Variants in RXYLT1 observed in about 807,000 individuals in gnomAD.
The protein encoded by RXYLT1 is ribitol-5-phosphate xylosyltransferase 1.
In RXYLT1, 41 loss-of-function variants were observed where a neutral mutation model predicts 43.5. The ratio of observed to expected loss-of-function variants is 0.94; its 90% confidence interval spans 0.73 to 1.22. The LOEUF is 1.22. RXYLT1 is among the 50% of genes most tolerant of loss of function. RXYLT1 has a pLI of 0.00. For synonymous variants in RXYLT1, 166 were observed against 194.4 expected (o/e 0.85, Z 1.21); for missense variants, 514 against 532.0 (o/e 0.97, Z 0.33).
chr12:63,779,971 C>G lies in RXYLT1; in HGVS notation c.11C>G (p.Thr4Arg). 1 of 1,610,564 alleles carries G rather than the reference C, an allele frequency of 6.2e-7. No homozygotes were observed. Among genetic ancestry groups the G allele is most frequent in the Non-Finnish European group, 8.5e-7 (1 of 1,178,674 alleles). ...GGAAGCCCGAGTGGGATGCGGCTGA[C>G]GCGGAAGCGGCTCTGCTCGTTTCTT... The part of the protein sequence containing the change: MRL[T>R]RKRLCSFLIA... The change falls in exon 1 of 6, where the codon ACG becomes AGG. Residue 4 changes from threonine (T) to arginine (R), a missense_variant. By Grantham distance (71) the Thr-to-Arg change is moderately conservative. Coordinates refer to ENST00000261234, the MANE Select transcript of RXYLT1 (RefSeq NM_014254.3).
chr12:63,809,276 A>T lies in RXYLT1; in HGVS notation c.*184A>T. 1 of 488,760 alleles carries T rather than the reference A, an allele frequency of 2.0e-6. No homozygotes were observed. 30.3% of individuals were successfully genotyped at this position (488,760 alleles called of 1,614,324 possible). A position where few individuals can be genotyped will look rare whatever the true frequency, so the allele number is the denominator to read the frequency against. On this transcript the variant is annotated 3_prime_UTR_variant, in exon 6 of 6. Coordinates refer to ENST00000261234, the MANE Select transcript of RXYLT1 (RefSeq NM_014254.3). Reference sequence around the variant, plus strand: ...ACATATATGATAGTGGTCCCATAAGATTATAATGGAGCTGAAAAATTTCTA... The same window carrying T: ...ACATATATGATAGTGGTCCCATAAGTTTATAATGGAGCTGAAAAATTTCTA...
At chr12:63,780,346 G>A in intron 1 of RXYLT1, 1 of 1,289,370 alleles carries the variant, frequency 7.8e-7, no homozygotes, top group Non-Finnish European at 9.8e-7. Flanking sequence ...CCCCGCTCCC[G>A]ATCCCAGGGG....
chr12:63,809,143 T>C lies in RXYLT1; in HGVS notation c.*51T>C. ...TTTTAAAATCATTTTGACTACTGGG[T>C]GTATAAATGTGTTTGTGTGTGTATG... is the stretch of plus-strand genomic sequence containing the variant. On this transcript the variant is annotated 3_prime_UTR_variant, in exon 6 of 6. Transcript: ENST00000261234. 1 of 1,255,380 alleles carries C rather than the reference T, an allele frequency of 8.0e-7. No homozygotes were observed. Among genetic ancestry groups the C allele is most frequent in the Non-Finnish European group, 1.1e-6 (1 of 915,772 alleles). 77.8% of individuals were successfully genotyped at this position (1,255,380 alleles called of 1,614,324 possible). A position where few individuals can be genotyped will look rare whatever the true frequency, so the allele number is the denominator to read the frequency against.
At chr12:63,791,253 T>C (rs1212413823) in intron 3 of RXYLT1, among the ~76,000 whole-genome samples, 1 of 152,228 alleles carries the variant, frequency 6.6e-6, no homozygotes, top group Non-Finnish European at 1.5e-5. Flanking sequence ...TTGATTCTGC[T>C]CATCGTGACT....
chr12:63,785,119 C>G (rs1244199723), intron 3 of RXYLT1, 47 bp downstream of exon 3: 1 of 1,377,022 alleles, frequency 7.3e-7, no homozygotes, highest in African/African-American at 1.4e-5. Context: ...ATGTTTTGCT[C>G]TGCAATATTT....
rs796725184 is a variant in RXYLT1 at position 63,801,823 on chromosome 12, C to CA, written c.429-258dup. Among the ~76,000 whole-genome samples, 615 of 142,950 alleles carry CA rather than the reference C, an allele frequency of 4.3e-3. 6 individuals carry two copies. The highest frequency in any genetic ancestry group is 0.013 in the African/African-American group (500 of 39,054). The allele number at this position is 142,950 out of a possible 152,430, so 93.8% of individuals were successfully genotyped here. ...GGCCACAAGAGTTGAGACCCTGCCTCAAAAAAAAAACAAAAAAACACAAAA... is the reference window on the plus strand; with the variant it reads ...GGCCACAAGAGTTGAGACCCTGCCTCAAAAAAAAAAACAAAAAAACACAAAA... On this transcript the variant is annotated intron_variant, in intron 3 of 5. Transcript: ENST00000261234.
chr12:63,793,774 G>A (rs1897969248), intron 3 of RXYLT1, among the ~76,000 whole-genome samples: 1 of 152,162 alleles, frequency 6.6e-6, no homozygotes, highest in Non-Finnish European at 1.5e-5. Context: ...ACATAGGATA[G>A]TATTATATTA....
intron 2 of RXYLT1, among the ~76,000 whole-genome samples, chr12:63,782,303 C>T (rs1413328700): frequency 6.6e-6 from 1 of 152,190 alleles, no homozygotes; most frequent in African/African-American, 2.4e-5. Context: ...ATTTTGAAAT[C>T]TAAATTTCAT....
chr12:63,793,341 A>G (rs1282294193), intron 3 of RXYLT1, among the ~76,000 whole-genome samples: 2 of 152,068 alleles, frequency 1.3e-5, no homozygotes, highest in Non-Finnish European at 2.9e-5. Flanking sequence ...TTTCAGGGTT[A>G]TGTTTACTAC....
At chr12:63,786,214 T>A (rs1897796739) in intron 3 of RXYLT1, among the ~76,000 whole-genome samples, 2 of 152,174 alleles carry the variant, frequency 1.3e-5, no homozygotes, top group African/African-American at 4.8e-5. Flanking sequence ...TATTAAAAAT[T>A]CATAAAGTTA....
chr12:63,808,651 A>G, intron 5 of RXYLT1, 24 bp from the exon 6 acceptor site: 1 of 1,588,078 alleles, frequency 6.3e-7, no homozygotes, highest in Non-Finnish European at 8.5e-7. Flanking sequence ...AGTGAAAACT[A>G]CAGTTGTTTT....
At position 63,805,369 on chromosome 12, in the gene RXYLT1, G is replaced by C. The variant is rs1356550854; in HGVS notation, c.879G>C (p.Gly293=). The C allele has an allele frequency of 2.5e-6, 4 of 1,608,926 alleles. No homozygotes were observed. Among genetic ancestry groups the C allele is most frequent in the Non-Finnish European group, 3.4e-6 (4 of 1,178,438 alleles). The change falls in exon 5 of 6, where the codon GGG becomes GGC. Residue 293 remains glycine (G), a synonymous_variant. Coordinates refer to ENST00000261234, the MANE Select transcript of RXYLT1 (RefSeq NM_014254.3). Reference sequence around the variant, plus strand: ...TAATGAACATTTTGAAAAAAGATGGGAACGATAAGCTTTGTTGGGTTTCAG... The same window carrying C: ...TAATGAACATTTTGAAAAAAGATGGCAACGATAAGCTTTGTTGGGTTTCAG... ...QALMNILKKD[G]NDKLCWVSAR... is the part of the protein sequence containing the mutation.
intron 3 of RXYLT1, among the ~76,000 whole-genome samples, chr12:63,800,784 T>G (rs1031119680): frequency 1.3e-5 from 2 of 151,970 alleles, no homozygotes; most frequent in Non-Finnish European, 2.9e-5. Flanking sequence ...TAGTTGGGCA[T>G]GGTGGCACGC....
intron 3 of RXYLT1, among the ~76,000 whole-genome samples, chr12:63,800,198 G>A (rs776540720): frequency 5.9e-5 from 9 of 152,140 alleles, no homozygotes; most frequent in South Asian, 2.1e-4. Flanking sequence ...TTGAGAACTC[G>A]TCATTGCCAT....
At chr12:63,781,299 C>T (rs1416424566) in intron 2 of RXYLT1, 125 bp downstream of exon 2, 3 of 1,031,998 alleles carry the variant, frequency 2.9e-6, no homozygotes, top group African/African-American at 1.7e-5. Context: ...TATATTTTTT[C>T]GCTTTTTGTC....
chr12:63,805,463 T>C, intron 5 of RXYLT1, 59 bp downstream of exon 5: 1 of 1,486,806 alleles, frequency 6.7e-7, no homozygotes, highest in Non-Finnish European at 9.0e-7. Flanking sequence ...AGTTGCTTTA[T>C]GTAGAAACAC....
intron 2 of RXYLT1, 51 bp downstream of exon 2, chr12:63,781,225 TTTA>T (rs1897676651): frequency 1.5e-6 from 2 of 1,364,582 alleles, no homozygotes; most frequent in Non-Finnish European, 1.9e-6. Flanking sequence ...TAAAATGTAT[TTTA>T]TTGATATGAA....
At chr12:63,781,320 TTC>T (rs1170992441) in intron 2 of RXYLT1, 146 bp downstream of exon 2, 6 of 785,182 alleles carry the variant, frequency 7.6e-6, no homozygotes. Context: ...AATAATTCCT[TTC>T]TCCTTCCAAT....
chr12:63,793,995 T>TA (rs1281196574), intron 3 of RXYLT1, among the ~76,000 whole-genome samples: 1 of 152,214 alleles, frequency 6.6e-6, no homozygotes, highest in Non-Finnish European at 1.5e-5. Flanking sequence ...ACTCATCTCT[T>TA]AAAGTAGGCC....
Sources: allele counts gnomAD v4.1 joint callset (sites outside exome capture counted in the v4.1 genomes callset), GRCh38; gene constraint gnomAD v4.1.1; transcripts MANE v1.5; gene names NCBI Gene and HGNC (gene_info 2026-07-23, HGNC 2026-07-21).